CROCC: variants seen among roughly 807,000 people sequenced by gnomAD.
CROCC encodes the protein rootletin.
In CROCC, 180 loss-of-function variants were observed where a neutral mutation model predicts 245.2. That is an observed-to-expected ratio of 0.73 (90% CI 0.65 to 0.83). CROCC has a LOEUF of 0.83. Among genes scored for constraint, CROCC ranks in the 40% least tolerant of loss-of-function variants. The probability of loss-of-function intolerance (pLI) is 0.00; values close to 1 mark genes in which losing one functional copy is unlikely to be tolerated. For synonymous variants in CROCC, 1,205 were observed against 1,241.6 expected (o/e 0.97, Z 0.62); for missense variants, 2,688 against 2,779.4 (o/e 0.97, Z 0.74).
chr1:16,927,420 A>G (rs1216820973), intron 3 of CROCC, among the ~76,000 whole-genome samples: 1 of 152,238 alleles, frequency 6.6e-6, no homozygotes, highest in Non-Finnish European at 1.5e-5. Flanking sequence ...CACACATACC[A>G]GGGAGCCCAG....
chr1:16,968,555 G>A (rs964441576), intron 31 of CROCC, 137 bp downstream of exon 31: 51 of 929,604 alleles, frequency 5.5e-5, no homozygotes, highest in South Asian at 1.9e-5. Context: ...ACAAATGGAG[G>A]CTGAGAGGTG....
intron 27 of CROCC, among the ~76,000 whole-genome samples, chr1:16,961,405 C>T (rs2076331802): frequency 6.6e-6 from 1 of 151,984 alleles, no homozygotes; most frequent in Non-Finnish European, 1.5e-5. Context: ...TCCTGAGTAG[C>T]TGGGACTACA....
intron 15 of CROCC, among the ~76,000 whole-genome samples, chr1:16,946,027 C>G (rs1252941640): frequency 6.6e-6 from 1 of 152,270 alleles, no homozygotes; most frequent in Non-Finnish European, 1.5e-5. Flanking sequence ...AACTCTGGCC[C>G]TGCCCTGCAG....
intron 13 of CROCC, among the ~76,000 whole-genome samples, chr1:16,943,537 C>CAA (rs879660607): frequency 7.6e-3 from 1,071 of 140,564 alleles, no homozygotes; most frequent in African/African-American, 0.027. Context: ...GACTCCGTCT[C>CAA]AAAAAAAAAA....
Position 16,970,614 on chromosome 1 carries a change from C to A in CROCC, c.5653-22C>A, listed in dbSNP as rs372823090. 2.6e-6 allele frequency: 4 copies of A among 1,516,646 alleles called. No homozygotes were observed. The African/African-American group carries it at 5.6e-5, about 21-fold the overall frequency. 93.9% of individuals were successfully genotyped at this position (1,516,646 alleles called of 1,614,324 possible). ...AGTAAGCTCCTCCTGGCACCCTGATCTCCTGTGGCTCTCCTGCCTAGGTGG... is the reference window on the plus strand; with the variant it reads ...AGTAAGCTCCTCCTGGCACCCTGATATCCTGTGGCTCTCCTGCCTAGGTGG... On this transcript the variant is annotated intron_variant, in intron 34 of 36. Transcript: ENST00000375541.
chr1:16,918,738 G>GTTTTTTT (rs68022839), upstream of CROCC, among the ~76,000 whole-genome samples: 4 of 144,036 alleles, frequency 2.8e-5, no homozygotes, highest in Non-Finnish European at 4.5e-5. Flanking sequence ...TTAGTTTTTT[G>GTTTTTTT]TTTTTGTTTT....
chr1:16,933,309 A>T lies in CROCC; in HGVS notation c.956+1912A>T, dbSNP rs1290945475. 2.0e-5 allele frequency among the ~76,000 whole-genome samples: 3 copies of T among 152,252 alleles called. No individual in the cohort carries two copies. The East Asian group carries it at 5.8e-4, about 29-fold the overall frequency. ...GGTGAGACCCCTATCTCTACTAAAA[A>T]TACAAAACTTATCTAGGTGTGGTGA... On this transcript the variant is annotated intron_variant, in intron 8 of 36. Transcript: ENST00000375541.
rs568299660 is a variant in CROCC at position 16,945,399 on chromosome 1, T to C, written c.1992-63T>C. On this transcript the variant is annotated intron_variant, in intron 14 of 36. Transcript: ENST00000375541. ...CCTGGTCCCCAGCCCAGCATCTCGC[T>C]GGCTACAGGAGGTTCGGGGCAGGAA... 18 of 1,605,492 alleles carry C rather than the reference T, an allele frequency of 1.1e-5. No individual in the cohort carries two copies. The Admixed American group carries it at 1.7e-4, about 15-fold the overall frequency.
intron 17 of CROCC, among the ~76,000 whole-genome samples, chr1:16,947,902 G>A (rs1477242468): frequency 1.3e-5 from 2 of 152,334 alleles, no homozygotes; most frequent in East Asian, 1.9e-4. Flanking sequence ...GCAGTGGCAC[G>A]ATCTGGGCTC....
chr1:16,937,059 A>G (rs1208278485), intron 9 of CROCC, among the ~76,000 whole-genome samples, 186 bp downstream of exon 9: 2 of 152,278 alleles, frequency 1.3e-5, no homozygotes, highest in East Asian at 1.9e-4. Flanking sequence ...TTAGCCTCCT[A>G]TGGCAGAACT....
In CROCC at chr1:16,972,445, G is replaced by A. The variant is rs1350316209; in HGVS notation, c.6053G>A (p.Ter2018=). ...CCACCCTCCGGCCCCCCAGAGAAAT[G>A]AGCTCCTGCTGGCATCTGGAGAACA... ...FSPPSGPPEK[*] Residue 2018 remains the stop codon, a stop_retained_variant, in exon 37 of 37, where the codon TGA becomes TAA. Coordinates refer to ENST00000375541, the MANE Select transcript of CROCC (RefSeq NM_014675.5). 1.9e-6 allele frequency: 3 copies of A among 1,611,740 alleles called. No homozygotes were observed. The highest frequency in any genetic ancestry group is 2.5e-6 in the Non-Finnish European group (3 of 1,178,694).
chr1:16,943,804 C>A (rs1334806767), intron 13 of CROCC, among the ~76,000 whole-genome samples: 1 of 152,282 alleles, frequency 6.6e-6, no homozygotes, highest in Non-Finnish European at 1.5e-5. Context: ...GCACAATTGC[C>A]GTGTGTCCCA....
chr1:16,928,941 G>C (rs7521628), intron 3 of CROCC, among the ~76,000 whole-genome samples: 127,387 of 152,032 alleles, frequency 0.84, 52,313 homozygotes, highest in East Asian at 0.89. Context: ...ATTCTCCTGC[G>C]TCAGCCTCTT....
chr1:16,920,068 ATATT>A (rs1248574765), upstream of CROCC, among the ~76,000 whole-genome samples: 8 of 144,190 alleles, frequency 5.5e-5, no homozygotes, highest in Non-Finnish European at 1.1e-4. Flanking sequence ...AATTTTTTTT[ATATT>A]TATTTATTTA....
At position 16,952,990 on chromosome 1, in the gene CROCC, C is replaced by T. The variant is rs191468351; in HGVS notation, c.3007-312C>T. The stretch of plus-strand genomic sequence containing the variant: ...ATGTCCCGTTCCCCTCTGCACCCTG[C>T]ATCCTCTAGGCCTTTCCAGGGGCTG... On this transcript the variant is annotated intron_variant, in intron 20 of 36. Transcript: ENST00000375541. The T allele has an allele frequency of 1.8e-3, 593 of 324,592 alleles. 7 individuals carry two copies. The highest frequency in any genetic ancestry group is 0.01 in the African/African-American group (504 of 48,140). 20.1% of individuals were successfully genotyped at this position (324,592 alleles called of 1,614,324 possible).
chr1:16,923,674 C>CTTTTTTTTT (rs61063425), intron 2 of CROCC, among the ~76,000 whole-genome samples: 14 of 103,512 alleles, frequency 1.4e-4, no homozygotes, highest in African/African-American at 4.0e-4. Context: ...ACTATTCTAC[C>CTTTTTTTTT]TTTTTTTTTT....
intron 15 of CROCC, 126 bp from the exon 16 acceptor site, chr1:16,946,133 C>G (rs2076039718): frequency 8.2e-6 from 9 of 1,098,588 alleles, no homozygotes; most frequent in Non-Finnish European, 1.2e-5. Flanking sequence ...CCATCTCACA[C>G]TGTGTCCCCT....
At position 16,931,348 on chromosome 1, in the gene CROCC, G is replaced by GT. The variant is rs774807025; in HGVS notation, c.908dup (p.Val304GlyfsTer15). The GT allele has an allele frequency of 6.2e-7, 1 of 1,612,894 alleles. No homozygotes were observed. The highest frequency in any genetic ancestry group is 2.2e-5 in the East Asian group (1 of 44,876). The stretch of plus-strand genomic sequence containing the variant: ...TCGCCTGCTCCTCCTCTGGAGGCAG[G>GT]TGGTGGGGTTCCGGCGGCTGGTCAG... On this transcript the variant is annotated frameshift_variant, in exon 8 of 37. Transcript: ENST00000375541. LOFTEE classifies it high-confidence loss of function.
upstream of CROCC, among the ~76,000 whole-genome samples, chr1:16,920,139 C>A (rs2075373229): frequency 6.6e-6 from 1 of 152,244 alleles, no homozygotes; most frequent in Non-Finnish European, 1.5e-5. Context: ...AGTGCAGTGG[C>A]ATGATCTCGC....
Sources: allele counts gnomAD v4.1 joint callset (sites outside exome capture counted in the v4.1 genomes callset), GRCh38; gene constraint gnomAD v4.1.1; transcripts MANE v1.5; gene names NCBI Gene and HGNC (gene_info 2026-07-23, HGNC 2026-07-21).